Variants in LRP1B observed in about 807,000 individuals in gnomAD.
LRP1B encodes low-density lipoprotein receptor-related protein 1B.
A neutral mutation model predicts 556.6 loss-of-function variants in LRP1B; 217 were observed. The ratio of observed to expected loss-of-function variants is 0.39; its 90% confidence interval spans 0.35 to 0.44. The LOEUF is 0.44. LRP1B is among the 20% of genes least tolerant of loss of function. The pLI is 1.00. For missense variants in LRP1B, 5,053 were observed against 5,620.8 expected (o/e 0.90, Z 3.23); for synonymous variants, 2,047 against 1,865.8 (o/e 1.10, Z -2.50).
intron 1 of LRP1B, among the ~76,000 whole-genome samples, chr2:142,108,847 T>TATAG (rs1706855634): frequency 6.6e-6 from 1 of 152,216 alleles, no homozygotes; most frequent in East Asian, 1.9e-4. Flanking sequence ...AAAAGAATCC[T>TATAG]ATAGATACTC....
At chr2:141,886,695 A>G (rs1203199712) in intron 1 of LRP1B, among the ~76,000 whole-genome samples, 8 of 152,182 alleles carry the variant, frequency 5.3e-5, no homozygotes, top group Admixed American at 5.2e-4. Context: ...ATTATTTTTA[A>G]AATTCCTTTG....
chr2:140,599,977 TA>T (rs1459151711), intron 42 of LRP1B, among the ~76,000 whole-genome samples: 5 of 152,162 alleles, frequency 3.3e-5, no homozygotes, highest in Admixed American at 3.3e-4. Context: ...CATTTACATA[TA>T]TGATGATAAA....
At chr2:141,312,829 C>T (rs1686865084) in intron 3 of LRP1B, among the ~76,000 whole-genome samples, 1 of 151,992 alleles carries the variant, frequency 6.6e-6, no homozygotes. Context: ...GCTGAGATTA[C>T]AGGTGCCTGC....
intron 3 of LRP1B, among the ~76,000 whole-genome samples, chr2:141,403,083 T>C (rs1196685852): frequency 6.6e-6 from 1 of 152,074 alleles, no homozygotes; most frequent in African/African-American, 2.4e-5. Context: ...AATAACACAT[T>C]TCTGAGCCAT....
chr2:140,900,830 G>A (rs1414551919), intron 23 of LRP1B, among the ~76,000 whole-genome samples: 1 of 151,848 alleles, frequency 6.6e-6, no homozygotes, highest in African/African-American at 2.4e-5. Context: ...TAAATGGAAA[G>A]CAAGGATATT....
chr2:141,126,037 ATTTTTT>A (rs61318987), intron 7 of LRP1B, among the ~76,000 whole-genome samples: 1 of 144,510 alleles, frequency 6.9e-6, no homozygotes, highest in African/African-American at 2.6e-5. Flanking sequence ...TCTTCCTTTT[ATTTTTT>A]TTTTTTTGAG....
chr2:141,542,487 C>T (rs1404927255), intron 2 of LRP1B, among the ~76,000 whole-genome samples: 1 of 151,938 alleles, frequency 6.6e-6, no homozygotes, highest in Non-Finnish European at 1.5e-5. Context: ...CAAATTAATA[C>T]CATGACTTCC....
intron 16 of LRP1B, among the ~76,000 whole-genome samples, chr2:140,991,149 A>G (rs545526279): frequency 6.6e-6 from 1 of 152,300 alleles, no homozygotes; most frequent in South Asian, 2.1e-4. Context: ...ATAAATGCCG[A>G]GAGAAATATA....
intron 66 of LRP1B, among the ~76,000 whole-genome samples, chr2:140,407,467 C>G (rs1684791687): frequency 6.6e-6 from 1 of 151,918 alleles, no homozygotes; most frequent in Non-Finnish European, 1.5e-5. Flanking sequence ...ACAAGGAACT[C>G]AAGCAAATCA....
intron 1 of LRP1B, among the ~76,000 whole-genome samples, chr2:142,067,759 T>G (rs998659561): frequency 5.9e-5 from 9 of 151,590 alleles, no homozygotes; most frequent in African/African-American, 9.7e-5. Context: ...TCCAAACTGA[T>G]TCACAAGTGA....
intron 2 of LRP1B, among the ~76,000 whole-genome samples, chr2:141,508,828 T>A (rs1684021898): frequency 6.6e-6 from 1 of 152,166 alleles, no homozygotes; most frequent in South Asian, 2.1e-4. Context: ...TTACGATTGG[T>A]CACTTCCCCC....
At chr2:141,179,964 TAC>T (rs1486415674) in intron 7 of LRP1B, among the ~76,000 whole-genome samples, 2 of 151,482 alleles carry the variant, frequency 1.3e-5, no homozygotes, top group East Asian at 1.9e-4. Context: ...TGTTATATAT[TAC>T]AGAGTGGTAA....
chr2:141,126,485 G>A (rs191187472), intron 7 of LRP1B, among the ~76,000 whole-genome samples: 6 of 152,194 alleles, frequency 3.9e-5, no homozygotes, highest in Admixed American at 3.9e-4. Context: ...GGTCCTCTAA[G>A]GACATCTATT....
chr2:140,441,059 C>A (rs939050659), intron 66 of LRP1B, among the ~76,000 whole-genome samples: 1 of 152,014 alleles, frequency 6.6e-6, no homozygotes, highest in South Asian at 2.1e-4. Flanking sequence ...GATAATCACT[C>A]TAAAGCTTTT....
intron 3 of LRP1B, among the ~76,000 whole-genome samples, chr2:141,463,633 T>A (rs1181852095): frequency 8.6e-6 from 1 of 115,854 alleles, no homozygotes; most frequent in African/African-American, 3.3e-5. Flanking sequence ...TATATATTAT[T>A]ATATATTATA....
chr2:140,307,876 G>A (rs971262176), intron 83 of LRP1B, among the ~76,000 whole-genome samples: 3 of 151,756 alleles, frequency 2.0e-5, no homozygotes, highest in African/African-American at 7.2e-5. Context: ...ATGCCACAAT[G>A]TAAACATCAT....
At chr2:140,716,852 C>T (rs2105465010) in intron 35 of LRP1B, 36 bp from the exon 36 acceptor site, 4 of 1,366,564 alleles carry the variant, frequency 2.9e-6, no homozygotes, top group Non-Finnish European at 4.1e-6. Context: ...TACATATACA[C>T]ACACTGTAAA....
chr2:142,086,639 AC>A (rs71411400), intron 1 of LRP1B, among the ~76,000 whole-genome samples: 2,874 of 47,166 alleles, frequency 0.061, 67 homozygotes, highest in Admixed American at 0.17. Flanking sequence ...AAACAAACAA[AC>A]AAAAAAAAAA....
chr2:141,464,596 A>ATTTT (rs1402968531), intron 3 of LRP1B, among the ~76,000 whole-genome samples: 3 of 33,380 alleles, frequency 9.0e-5, no homozygotes, highest in Non-Finnish European at 1.8e-4. Context: ...ATATATATAT[A>ATTTT]TATATATATA....
Sources: allele counts gnomAD v4.1 joint callset (sites outside exome capture counted in the v4.1 genomes callset), GRCh38; gene constraint gnomAD v4.1.1; transcripts MANE v1.5; gene names NCBI Gene and HGNC (gene_info 2026-07-23, HGNC 2026-07-21).